The following GALNT18 variants were observed in gnomAD, a reference collection of about 807,000 sequenced individuals.
GALNT18 encodes polypeptide N-acetylgalactosaminyltransferase 18.
A neutral mutation model predicts 69.5 loss-of-function variants in GALNT18; 44 were observed. The ratio of observed to expected loss-of-function variants is 0.63; its 90% CI spans 0.50 to 0.81. The LOEUF is 0.81. GALNT18 is among the 40% of genes least tolerant of loss of function. The probability of loss-of-function intolerance (pLI) is 0.00; values close to 1 mark genes in which losing one functional copy is unlikely to be tolerated. For synonymous variants in GALNT18, 364 were observed against 318.2 expected, an observed-to-expected ratio of 1.14 and a Z score of -1.53; for missense variants, 715 against 810.0, an observed-to-expected ratio of 0.88 and a Z score of 1.42.
chr11:11,414,194 C>G (rs1025637223), intron 3 of GALNT18, among the ~76,000 whole-genome samples: 1 of 152,194 alleles, frequency 6.6e-6, no homozygotes, highest in African/African-American at 2.4e-5. Context: ...AGATGATTTT[C>G]CTGTGGCTAC....
intron 1 of GALNT18, among the ~76,000 whole-genome samples, chr11:11,568,884 T>A (rs1012651552): frequency 1.3e-5 from 2 of 152,250 alleles, no homozygotes; most frequent in African/African-American, 4.8e-5. Flanking sequence ...CCTCATCCCC[T>A]GCTTCTGCCA....
At chr11:11,514,557 C>T (rs1857230725) in intron 1 of GALNT18, among the ~76,000 whole-genome samples, 3 of 152,202 alleles carry the variant, frequency 2.0e-5, no homozygotes, top group Admixed American at 6.5e-5. Context: ...TGCTTGTCAC[C>T]CATCGGATTG....
At chr11:11,519,409 C>A (rs1254318899) in intron 1 of GALNT18, among the ~76,000 whole-genome samples, 1 of 152,158 alleles carries the variant, frequency 6.6e-6, no homozygotes, top group Non-Finnish European at 1.5e-5. Context: ...CACGGAAGAG[C>A]ACAGCCACTG....
chr11:11,316,356 A>T (rs1849753459), intron 9 of GALNT18, among the ~76,000 whole-genome samples: 1 of 152,182 alleles, frequency 6.6e-6, no homozygotes, highest in Admixed American at 6.5e-5. Flanking sequence ...TTGGCACACA[A>T]AGGAAAACTT....
At chr11:11,447,534 A>G (rs914914249) in intron 2 of GALNT18, among the ~76,000 whole-genome samples, 1 of 152,194 alleles carries the variant, frequency 6.6e-6, no homozygotes, top group South Asian at 2.1e-4. Context: ...TCATGCTGCT[A>G]TGAAGAAATA....
chr11:11,348,937 A>AC (rs1329947113), intron 6 of GALNT18, among the ~76,000 whole-genome samples: 12 of 151,598 alleles, frequency 7.9e-5, no homozygotes, highest in African/African-American at 2.9e-4. Flanking sequence ...TTGATCTTCC[A>AC]CCCCCCTTAA....
At chr11:11,462,254 T>A (rs1276809989) in intron 1 of GALNT18, among the ~76,000 whole-genome samples, 3 of 151,444 alleles carry the variant, frequency 2.0e-5, no homozygotes, top group African/African-American at 7.3e-5. Context: ...ATTCAGTGTG[T>A]GGCTGTGGCA....
chr11:11,284,930 T>TTA (rs1554909662), intron 10 of GALNT18, among the ~76,000 whole-genome samples: 2 of 134,720 alleles, frequency 1.5e-5, no homozygotes, highest in South Asian at 2.6e-4. Flanking sequence ...TTTTTTTTTT[T>TTA]AACTACTTGG....
chr11:11,367,346 A>C (rs1850795934), intron 6 of GALNT18, among the ~76,000 whole-genome samples: 1 of 152,232 alleles, frequency 6.6e-6, no homozygotes, highest in Non-Finnish European at 1.5e-5. Flanking sequence ...ATGATTACGA[A>C]TATCCCAAGA....
intron 6 of GALNT18, chr11:11,352,132 C>T: frequency 6.2e-7 from 1 of 1,613,500 alleles, no homozygotes; most frequent in Non-Finnish European, 8.5e-7. Flanking sequence ...CGAGCCTGGT[C>T]CTTCACAACA....
chr11:11,608,614 G>T (rs758923022), intron 1 of GALNT18, among the ~76,000 whole-genome samples: 3 of 152,066 alleles, frequency 2.0e-5, no homozygotes, highest in Non-Finnish European at 4.4e-5. Flanking sequence ...ACCCGTCTCG[G>T]CCTCCCAAAG....
intron 1 of GALNT18, among the ~76,000 whole-genome samples, chr11:11,561,931 C>T (rs553349478): frequency 6.6e-6 from 1 of 152,352 alleles, no homozygotes; most frequent in African/African-American, 2.4e-5. Flanking sequence ...CCTCTGCACC[C>T]TGACCAAGTA....
chr11:11,426,588 CCT>C (rs1188457015), intron 3 of GALNT18, among the ~76,000 whole-genome samples: 1 of 152,128 alleles, frequency 6.6e-6, no homozygotes, highest in Non-Finnish European at 1.5e-5. Context: ...AATAAATGCC[CCT>C]GTCTTCATGG....
intron 3 of GALNT18, among the ~76,000 whole-genome samples, chr11:11,385,541 C>CT (rs1319462903): frequency 2.0e-5 from 3 of 151,990 alleles, no homozygotes; most frequent in Non-Finnish European, 2.9e-5. Context: ...GTGATCTGCC[C>CT]GCCTCGGCCT....
chr11:11,577,907 G>A (rs11021945), intron 1 of GALNT18, among the ~76,000 whole-genome samples: 7,633 of 152,236 alleles, frequency 0.05, 634 homozygotes, highest in African/African-American at 0.17. Context: ...AATACAGATT[G>A]GCAGGGGCAT....
At chr11:11,471,130 C>T (rs1243279762) in intron 1 of GALNT18, among the ~76,000 whole-genome samples, 1 of 152,174 alleles carries the variant, frequency 6.6e-6, no homozygotes, top group Non-Finnish European at 1.5e-5. Flanking sequence ...CCACTTGCTT[C>T]CATTCCACTC....
At chr11:11,579,107 G>C (rs776884878) in intron 1 of GALNT18, among the ~76,000 whole-genome samples, 1 of 152,240 alleles carries the variant, frequency 6.6e-6, no homozygotes, top group African/African-American at 2.4e-5. Flanking sequence ...CATAGGTTTG[G>C]CTGGGAACTG....
At chr11:11,406,469 G>T (rs778413002) in intron 3 of GALNT18, among the ~76,000 whole-genome samples, 3 of 152,192 alleles carry the variant, frequency 2.0e-5, no homozygotes, top group Admixed American at 1.3e-4. Flanking sequence ...CTGAAAGCTG[G>T]TAAGTATCAC....
intron 3 of GALNT18, among the ~76,000 whole-genome samples, chr11:11,424,569 G>T (rs1272243289): frequency 6.6e-6 from 1 of 152,146 alleles, no homozygotes; most frequent in Non-Finnish European, 1.5e-5. Flanking sequence ...GGCACACTGG[G>T]TTAGTTGTTG....
Sources: gnomAD v4.1 joint callset for allele counts (sites outside exome capture counted in the v4.1 genomes callset) on GRCh38, gnomAD v4.1.1 for gene constraint, MANE v1.5 for transcripts, NCBI Gene and HGNC (gene_info 2026-07-23, HGNC 2026-07-21) for gene names.